The following RAB38 variants were observed in gnomAD, a reference collection of about 807,000 sequenced individuals.
The protein encoded by RAB38 is ras-related protein Rab-38.
In RAB38, 15 loss-of-function variants were observed where a neutral mutation model predicts 18.4. That is an observed-to-expected ratio of 0.82 (90% CI 0.55 to 1.26). The LOEUF is 1.26. Ranked by LOEUF, RAB38 falls within the 50% of genes most tolerant of loss-of-function variation. RAB38 has a pLI of 0.00. For synonymous variants in RAB38, 101 were observed against 104.4 expected, an observed-to-expected ratio of 0.97 and a Z score of 0.20; for missense variants, 294 against 267.4, an observed-to-expected ratio of 1.10 and a Z score of -0.69.
chr11:87,917,809 A>T, the RAB38 span: 109 of 152,220 alleles, frequency 7.2e-4, no homozygotes, highest in African/African-American at 2.6e-3. Flanking sequence ...AGAGAAGAGG[A>T]CAGAATCTGA....
At chr11:87,865,453 T>C in the RAB38 span, among the ~76,000 whole-genome samples, 1 of 151,716 alleles carries the variant, frequency 6.6e-6, no homozygotes, top group Admixed American at 6.6e-5. Context: ...CAAAGAATTC[T>C]GGCTCATGCG....
chr11:87,849,845 C>G, the RAB38 span, among the ~76,000 whole-genome samples: 1 of 152,106 alleles, frequency 6.6e-6, no homozygotes, highest in Non-Finnish European at 1.5e-5. Context: ...TTGTTTCTTG[C>G]CTTCTTGAAC....
the RAB38 span, among the ~76,000 whole-genome samples, chr11:87,804,329 C>T: frequency 1.1e-4 from 16 of 152,010 alleles, no homozygotes; most frequent in African/African-American, 3.4e-4. Flanking sequence ...GGTATCTGGC[C>T]CATCATTGTC....
chr11:87,919,311 T>A, the RAB38 span, among the ~76,000 whole-genome samples: 1 of 152,024 alleles, frequency 6.6e-6, no homozygotes, highest in African/African-American at 2.4e-5. Context: ...GTTTTTATCA[T>A]GAAAGCATGT....
chr11:88,052,359 AG>A, the RAB38 span, among the ~76,000 whole-genome samples: 1 of 152,190 alleles, frequency 6.6e-6, no homozygotes, highest in Non-Finnish European at 1.5e-5. Context: ...GAAGAGGAAG[AG>A]TTTGGTGCTG....
chr11:88,132,388 T>C (rs1254942216), intron 2 of RAB38, among the ~76,000 whole-genome samples: 1 of 152,220 alleles, frequency 6.6e-6, no homozygotes, highest in Non-Finnish European at 1.5e-5. Context: ...AGCTCTTCTT[T>C]GGTTAAGTCA....
chr11:88,052,791 T>A, the RAB38 span, among the ~76,000 whole-genome samples: 2 of 149,070 alleles, frequency 1.3e-5, no homozygotes, highest in African/African-American at 5.0e-5. Flanking sequence ...GTTTGTGGAG[T>A]CTCTTTACTT....
chr11:87,846,043 C>T, the RAB38 span, among the ~76,000 whole-genome samples: 1 of 151,938 alleles, frequency 6.6e-6, no homozygotes, highest in Non-Finnish European at 1.5e-5. Context: ...TCTAAGTAGA[C>T]TGTGAAAAGT....
chr11:87,966,930 G>A, the RAB38 span, among the ~76,000 whole-genome samples: 1 of 152,160 alleles, frequency 6.6e-6, no homozygotes, highest in African/African-American at 2.4e-5. Context: ...AACAAATAAA[G>A]CTTCTAAGTT....
the RAB38 span, among the ~76,000 whole-genome samples, chr11:87,946,885 C>T: frequency 5.9e-5 from 9 of 152,138 alleles, no homozygotes; most frequent in East Asian, 1.9e-4. Flanking sequence ...GCATGATTTA[C>T]AATCCTTTGG....
chr11:87,826,707 C>T, the RAB38 span, among the ~76,000 whole-genome samples: 4 of 152,232 alleles, frequency 2.6e-5, no homozygotes, highest in South Asian at 2.1e-4. Flanking sequence ...TAGGAAACTA[C>T]GGCTTGGCAA....
At chr11:87,826,750 G>A in the RAB38 span, among the ~76,000 whole-genome samples, 9 of 152,066 alleles carry the variant, frequency 5.9e-5, no homozygotes, top group African/African-American at 2.2e-4. Flanking sequence ...GCTAATAAAT[G>A]ACAGTGCTAG....
the RAB38 span, among the ~76,000 whole-genome samples, chr11:87,960,439 C>A: frequency 6.6e-6 from 1 of 151,156 alleles, no homozygotes; most frequent in African/African-American, 2.4e-5. Flanking sequence ...AAGCCCTGGG[C>A]ATGACTGAAG....
At chr11:87,893,266 G>C in the RAB38 span, among the ~76,000 whole-genome samples, 1 of 147,182 alleles carries the variant, frequency 6.8e-6, no homozygotes, top group Non-Finnish European at 1.5e-5. Context: ...AAGATGACTT[G>C]TGTCCTTTTT....
chr11:87,883,933 A>G, the RAB38 span, among the ~76,000 whole-genome samples: 1 of 151,958 alleles, frequency 6.6e-6, no homozygotes, highest in Admixed American at 6.6e-5. Flanking sequence ...TAATATTCCA[A>G]GCTGTAGGAT....
the RAB38 span, among the ~76,000 whole-genome samples, chr11:87,941,580 C>T: frequency 6.6e-6 from 1 of 151,964 alleles, no homozygotes; most frequent in Non-Finnish European, 1.5e-5. Context: ...ATTTCCCAAG[C>T]ACTGAGCATC....
At chr11:88,005,341 G>A in the RAB38 span, among the ~76,000 whole-genome samples, 1 of 151,094 alleles carries the variant, frequency 6.6e-6, no homozygotes, top group African/African-American at 2.4e-5. Context: ...CATATATGTG[G>A]TCAATAGCTT....
At chr11:87,855,020 C>T in the RAB38 span, among the ~76,000 whole-genome samples, 1 of 152,090 alleles carries the variant, frequency 6.6e-6, no homozygotes, top group Non-Finnish European at 1.5e-5. Flanking sequence ...TGGTCTCGAT[C>T]TCCTGACGTC....
At chr11:88,032,803 G>A in the RAB38 span, among the ~76,000 whole-genome samples, 1 of 152,368 alleles carries the variant, frequency 6.6e-6, no homozygotes, top group East Asian at 1.9e-4. Context: ...TTCAATGATT[G>A]TGGAAGACAG....
Sources: gnomAD v4.1 joint callset for allele counts (sites outside exome capture counted in the v4.1 genomes callset) on GRCh38, gnomAD v4.1.1 for gene constraint, MANE v1.5 for transcripts, NCBI Gene and HGNC (gene_info 2026-07-23, HGNC 2026-07-21) for gene names.